SNTG1: variants seen among roughly 807,000 people sequenced by gnomAD.
The protein encoded by SNTG1 is syntrophin gamma 1.
A neutral mutation model predicts 74.7 loss-of-function variants in SNTG1; 39 were observed. The ratio of observed to expected loss-of-function variants is 0.52; its 90% CI spans 0.40 to 0.68. The LOEUF (loss-of-function observed/expected upper bound fraction) is 0.68. SNTG1 is among the 30% of genes least tolerant of loss of function. The probability of loss-of-function intolerance (pLI) is 0.00; values close to 1 mark genes in which losing one functional copy is unlikely to be tolerated. For missense variants in SNTG1, 685 were observed against 609.5 expected (o/e 1.12, Z -1.30); for synonymous variants, 254 against 217.1 (o/e 1.17, Z -1.49).
At chr8:50,205,578 C>A (rs2131867419) in intron 2 of SNTG1, among the ~76,000 whole-genome samples, 1 of 152,176 alleles carries the variant, frequency 6.6e-6, no homozygotes, top group East Asian at 1.9e-4. Flanking sequence ...TTAATTAGAT[C>A]CCATTTGTCC....
At chr8:50,009,925 G>A (rs1815610149) in intron 1 of SNTG1, among the ~76,000 whole-genome samples, 1 of 152,184 alleles carries the variant, frequency 6.6e-6, no homozygotes, top group Non-Finnish European at 1.5e-5. Flanking sequence ...GAAACCAGGA[G>A]GTGGAGGTTT....
chr8:50,692,523 C>A (rs770512410), intron 15 of SNTG1, among the ~76,000 whole-genome samples: 1 of 152,162 alleles, frequency 6.6e-6, no homozygotes, highest in Non-Finnish European at 1.5e-5. Context: ...CACTCCAGAC[C>A]CTGTTTGCCT....
At chr8:50,780,074 G>T (rs1480762116) in intron 18 of SNTG1, among the ~76,000 whole-genome samples, 1 of 152,162 alleles carries the variant, frequency 6.6e-6, no homozygotes, top group Non-Finnish European at 1.5e-5. Flanking sequence ...TGGTGGATAA[G>T]CTTTTTGATG....
intron 1 of SNTG1, among the ~76,000 whole-genome samples, chr8:49,959,419 G>A (rs1810481815): frequency 6.6e-6 from 1 of 152,120 alleles, no homozygotes; most frequent in African/African-American, 2.4e-5. Context: ...TTTCCACAGA[G>A]GTGTTGTTAG....
chr8:50,196,191 T>C (rs1025251407), intron 2 of SNTG1, among the ~76,000 whole-genome samples: 23 of 152,200 alleles, frequency 1.5e-4, no homozygotes, highest in African/African-American at 5.3e-4. Flanking sequence ...CAGTATCCAT[T>C]AGAGTTTTTG....
intron 2 of SNTG1, among the ~76,000 whole-genome samples, chr8:50,282,080 G>A (rs553331913): frequency 1.3e-5 from 2 of 152,150 alleles, no homozygotes; most frequent in South Asian, 2.1e-4. Context: ...GACCATAAAC[G>A]ACAAATAACA....
rs553572142 is a variant in SNTG1, at chr8:50,794,134, A to C, written c.*1305A>C. The C allele has an allele frequency of 6.6e-6, 1 of 150,962 alleles. No individual in the cohort carries two copies. Among genetic ancestry groups the C allele is most frequent in the East Asian group, 1.9e-4 (1 of 5,146 alleles). The allele number at this position is 150,962 out of a possible 1,614,324, so 9.4% of individuals were successfully genotyped here. A position where few individuals can be genotyped will look rare whatever the true frequency, so the allele number is the denominator to read the frequency against. On this transcript the variant is annotated 3_prime_UTR_variant, in exon 19 of 19. Transcript: ENST00000642720. ...GCTGTGTATGTAAAAAAAAAAAAAAATTTTTATTGATACACATGCTCCCAG... is the reference window on the plus strand; with the variant it reads ...GCTGTGTATGTAAAAAAAAAAAAAACTTTTTATTGATACACATGCTCCCAG...
chr8:50,591,238 C>T (rs2130876452), intron 13 of SNTG1, among the ~76,000 whole-genome samples: 1 of 152,082 alleles, frequency 6.6e-6, no homozygotes, highest in South Asian at 2.1e-4. Flanking sequence ...TTCTGGGAGA[C>T]CTACTTTTAA....
chr8:50,087,886 T>G (rs561969799), intron 1 of SNTG1, among the ~76,000 whole-genome samples: 5 of 149,740 alleles, frequency 3.3e-5, no homozygotes, highest in Non-Finnish European at 7.4e-5. Context: ...ACCCACTAAC[T>G]CGTCATCTAG....
At chr8:49,976,513 A>G (rs1812207470) in intron 1 of SNTG1, among the ~76,000 whole-genome samples, 1 of 152,166 alleles carries the variant, frequency 6.6e-6, no homozygotes, top group Admixed American at 6.5e-5. Context: ...GAAATAAGAA[A>G]CAGAAATAGC....
intron 8 of SNTG1, among the ~76,000 whole-genome samples, chr8:50,457,527 C>T (rs941098376): frequency 3.3e-5 from 5 of 152,162 alleles, no homozygotes; most frequent in Admixed American, 2.6e-4. Context: ...CTTCTCTCCC[C>T]TTTTGAAACA....
intron 2 of SNTG1, among the ~76,000 whole-genome samples, chr8:50,340,966 T>C (rs1396180533): frequency 2.0e-5 from 3 of 151,966 alleles, no homozygotes; most frequent in Non-Finnish European, 4.4e-5. Context: ...ATTTTACTTT[T>C]CAATTGAGAC....
At chr8:50,042,733 T>G (rs967824713) in intron 1 of SNTG1, among the ~76,000 whole-genome samples, 3 of 152,034 alleles carry the variant, frequency 2.0e-5, no homozygotes, top group African/African-American at 7.3e-5. Flanking sequence ...ATTGACTTTT[T>G]TTTTTTTTTG....
At chr8:50,163,232 G>A (rs2082487363) in intron 1 of SNTG1, among the ~76,000 whole-genome samples, 2 of 152,100 alleles carry the variant, frequency 1.3e-5, no homozygotes, top group African/African-American at 4.8e-5. Context: ...AGACAGACTC[G>A]TTTCACCCAC....
chr8:50,124,216 A>G lies in SNTG1; in HGVS notation c.-102-48345A>G, dbSNP rs1279752174. ...GATTCACAGAGAAGACCATGTGAAG[A>G]CACAGGGAGAAAATGGCCATTTGCA... On this transcript the variant is annotated intron_variant, in intron 1 of 18. Transcript: ENST00000642720. Among the ~76,000 whole-genome samples the G allele has an allele frequency of 3.5e-5, 5 of 141,602 alleles. 1 individual carries two copies. Among genetic ancestry groups the G allele is most frequent in the African/African-American group, 7.7e-5 (3 of 39,074 alleles). 92.9% of individuals were successfully genotyped at this position (141,602 alleles called of 152,430 possible).
chr8:50,318,954 T>A (rs2090422335), intron 2 of SNTG1, among the ~76,000 whole-genome samples: 1 of 151,830 alleles, frequency 6.6e-6, no homozygotes, highest in Non-Finnish European at 1.5e-5. Context: ...TGTGTATATA[T>A]CTACGTATGT....
At chr8:50,757,809 A>G (rs550005313) in intron 18 of SNTG1, among the ~76,000 whole-genome samples, 3 of 151,938 alleles carry the variant, frequency 2.0e-5, no homozygotes, top group Admixed American at 1.3e-4. Flanking sequence ...ACATAATTCT[A>G]TTCTCTCTCC....
intron 8 of SNTG1, among the ~76,000 whole-genome samples, chr8:50,474,777 C>T (rs976969757): frequency 1.4e-4 from 22 of 151,962 alleles, no homozygotes; most frequent in East Asian, 3.9e-4. Context: ...CACATGCACA[C>T]GTATGTTTAT....
intron 15 of SNTG1, among the ~76,000 whole-genome samples, chr8:50,678,288 T>C (rs1344663940): frequency 6.6e-6 from 1 of 152,082 alleles, no homozygotes; most frequent in African/African-American, 2.4e-5. Flanking sequence ...AATAATTGAA[T>C]TGATATGTTC....
Sources: allele counts gnomAD v4.1 joint callset (sites outside exome capture counted in the v4.1 genomes callset), GRCh38; gene constraint gnomAD v4.1.1; transcripts MANE v1.5; gene names NCBI Gene and HGNC (gene_info 2026-07-23, HGNC 2026-07-21).